The following SEMA3E variants were observed in gnomAD, a reference collection of about 807,000 sequenced individuals.
SEMA3E encodes the protein semaphorin 3E, also known as semaphorin-3E.
In SEMA3E, 49 loss-of-function variants were observed where a neutral mutation model predicts 93.6. That is an observed-to-expected ratio of 0.52 (90% CI 0.42 to 0.66). SEMA3E has a LOEUF of 0.66. SEMA3E is among the 30% of genes least tolerant of loss of function. The pLI is 0.00. For synonymous variants in SEMA3E, 363 were observed against 330.7 expected (o/e 1.10, Z -1.06); for missense variants, 906 against 964.8 (o/e 0.94, Z 0.81).
At chr7:83,430,422 G>A (rs140900398) in intron 4 of SEMA3E, among the ~76,000 whole-genome samples, 102 of 151,894 alleles carry the variant, frequency 6.7e-4, no homozygotes, top group East Asian at 4.1e-3. Context: ...CCAAAATCCC[G>A]CCACTGCACT....
chr7:83,451,542 G>A (rs78752742), intron 4 of SEMA3E, among the ~76,000 whole-genome samples: 2,934 of 152,230 alleles, frequency 0.019, 96 homozygotes, highest in African/African-American at 0.067. Flanking sequence ...TTGAGGAGGT[G>A]CATATTCCTT....
intron 1 of SEMA3E, among the ~76,000 whole-genome samples, chr7:83,587,346 T>C (rs1176998825): frequency 1.3e-5 from 2 of 152,116 alleles, no homozygotes; most frequent in African/African-American, 4.8e-5. Context: ...ATAAAATTAT[T>C]AGATTATAAC....
At chr7:83,501,242 A>T (rs1790591442) in intron 1 of SEMA3E, among the ~76,000 whole-genome samples, 1 of 152,214 alleles carries the variant, frequency 6.6e-6, no homozygotes, top group Non-Finnish European at 1.5e-5. Flanking sequence ...ACCATAAAAC[A>T]AAATGCATTT....
intron 1 of SEMA3E, among the ~76,000 whole-genome samples, chr7:83,594,968 A>AT (rs1165660594): frequency 7.9e-5 from 12 of 151,104 alleles, no homozygotes; most frequent in African/African-American, 2.7e-4. Context: ...AAAAAAAAAA[A>AT]GCTCCCTGTT....
chr7:83,395,136 G>A (rs952891197), intron 12 of SEMA3E, among the ~76,000 whole-genome samples: 2 of 152,048 alleles, frequency 1.3e-5, no homozygotes, highest in Non-Finnish European at 2.9e-5. Flanking sequence ...ATTCACTCAG[G>A]CAACAATGTT....
chr7:83,597,691 C>A (rs1435170586), intron 1 of SEMA3E, among the ~76,000 whole-genome samples: 1 of 152,136 alleles, frequency 6.6e-6, no homozygotes, highest in East Asian at 1.9e-4. Flanking sequence ...TAATATAGCA[C>A]AACTATACTT....
chr7:83,457,716 C>G (rs1170746490), intron 4 of SEMA3E, among the ~76,000 whole-genome samples: 1 of 152,100 alleles, frequency 6.6e-6, no homozygotes, highest in Admixed American at 6.6e-5. Context: ...TTATGAATGT[C>G]TTGTCAATCA....
chr7:83,630,404 A>G (rs1195089222), intron 1 of SEMA3E, among the ~76,000 whole-genome samples: 1 of 152,194 alleles, frequency 6.6e-6, no homozygotes, highest in Non-Finnish European at 1.5e-5. Context: ...ACTTTAATTA[A>G]TGTCTATAAG....
intron 2 of SEMA3E, among the ~76,000 whole-genome samples, chr7:83,478,417 G>T: frequency 6.6e-6 from 1 of 151,962 alleles, no homozygotes; most frequent in South Asian, 2.1e-4. Flanking sequence ...ATGAAAAAAA[G>T]AAAATAAAAT....
intron 1 of SEMA3E, chr7:83,612,503 CA>C (rs1793286252): frequency 1.3e-5 from 2 of 151,992 alleles, no homozygotes; most frequent in African/African-American, 4.8e-5. Flanking sequence ...ACTTAGGTAG[CA>C]AAATACCCAA....
intron 1 of SEMA3E, among the ~76,000 whole-genome samples, chr7:83,524,837 A>C (rs1348059053): frequency 2.0e-5 from 3 of 151,980 alleles, no homozygotes; most frequent in Admixed American, 6.6e-5. Context: ...TCATCACCTT[A>C]AAGAAATCTC....
chr7:83,371,354 G>A lies in SEMA3E; in HGVS notation c.1876-3316C>T, dbSNP rs373794994. The A allele has an allele frequency of 1.2e-4, 18 of 152,264 alleles. No individual in the cohort carries two copies. In the East Asian group the frequency reaches 1.7e-3, roughly 15 times the overall value. The allele number at this position is 152,264 out of a possible 1,614,324, so 9.4% of individuals were successfully genotyped here. A position where few individuals can be genotyped will look rare whatever the true frequency, so the allele number is the denominator to read the frequency against. ...TTGAATAAAGTGTTGGGAGGATGGA[G>A]TCATCACATGGTATAGCTACAGGCA... On this transcript the variant is annotated intron_variant, in intron 16 of 16. Transcript: ENST00000643230.
At chr7:83,406,852 T>G (rs1196077341) in intron 7 of SEMA3E, among the ~76,000 whole-genome samples, 2 of 152,144 alleles carry the variant, frequency 1.3e-5, no homozygotes, top group African/African-American at 2.4e-5. Flanking sequence ...AGAAGGACAG[T>G]CTAATCATAG....
intron 4 of SEMA3E, among the ~76,000 whole-genome samples, chr7:83,427,200 CTTTT>C (rs757026243): frequency 2.2e-4 from 33 of 151,584 alleles, no homozygotes; most frequent in Admixed American, 1.8e-3. Flanking sequence ...TCCTTTCCTT[CTTTT>C]TTTCTTTTTT....
intron 14 of SEMA3E, 136 bp from the exon 15 acceptor site, chr7:83,387,186 T>A: frequency 1.3e-6 from 1 of 754,328 alleles, no homozygotes; most frequent in Non-Finnish European, 2.2e-6. Flanking sequence ...AAGAATAAAA[T>A]CCAAGTTTCA....
chr7:83,390,240 CGTATATATGCGCGT>C lies in SEMA3E; in HGVS notation c.1667+2301_1667+2314del, dbSNP rs1787991056. 1.3e-3 allele frequency among the ~76,000 whole-genome samples: 22 copies of C among 17,260 alleles called. 8 individuals are homozygous for C. Among genetic ancestry groups the C allele is most frequent in the Admixed American group, 9.6e-3 (12 of 1,250 alleles). 11.3% of individuals were successfully genotyped at this position (17,260 alleles called of 152,430 possible). A position where few individuals can be genotyped will look rare whatever the true frequency, so the allele number is the denominator to read the frequency against. ...GCGTATATATGCGCGTATATATGCG[CGTATATATGCGCGT>C]ATATATGCGCGTATATATGTGTATA... On this transcript the variant is annotated intron_variant, in intron 14 of 16. Coordinates refer to ENST00000643230, the MANE Select transcript of SEMA3E (RefSeq NM_012431.3).
At chr7:83,423,436 A>T (rs1788707650) in intron 4 of SEMA3E, among the ~76,000 whole-genome samples, 1 of 152,102 alleles carries the variant, frequency 6.6e-6, no homozygotes, top group African/African-American at 2.4e-5. Context: ...GTCAACAAGT[A>T]ATCATTTTAA....
chr7:83,501,668 T>C (rs1306267054), intron 1 of SEMA3E, among the ~76,000 whole-genome samples: 1 of 152,166 alleles, frequency 6.6e-6, no homozygotes, highest in Non-Finnish European at 1.5e-5. Flanking sequence ...GCTGGTCTAT[T>C]ATCTACTTCT....
At chr7:83,489,668 A>T (rs1790339517) in intron 2 of SEMA3E, among the ~76,000 whole-genome samples, 1 of 152,130 alleles carries the variant, frequency 6.6e-6, no homozygotes, top group Non-Finnish European at 1.5e-5. Context: ...TCCACCCACC[A>T]AGTTAAAGGA....
Sources: gnomAD v4.1 joint callset for allele counts (sites outside exome capture counted in the v4.1 genomes callset) on GRCh38, gnomAD v4.1.1 for gene constraint, MANE v1.5 for transcripts, NCBI Gene and HGNC (gene_info 2026-07-23, HGNC 2026-07-21) for gene names.